The following LRRK2 variants were observed in gnomAD, a reference collection of about 807,000 sequenced individuals.
LRRK2 encodes the protein leucine rich repeat kinase 2, also known as leucine-rich repeat serine/threonine-protein kinase 2.
A neutral mutation model predicts 302.6 loss-of-function variants in LRRK2; 203 were observed. The observed-to-expected ratio is 0.67, with a 90% CI of 0.60 to 0.75. The LOEUF (loss-of-function observed/expected upper bound fraction) is 0.75. Among genes scored for constraint, LRRK2 ranks in the 30% least tolerant of loss-of-function variants. LRRK2 has a pLI of 0.00. For missense variants in LRRK2, 2,830 were observed against 2,951.0 expected (o/e 0.96, Z 0.95); for synonymous variants, 1,066 against 1,031.9 (o/e 1.03, Z -0.63).
At chr12:40,247,488 G>A (rs551489152) in intron 7 of LRRK2, among the ~76,000 whole-genome samples, 26 of 142,728 alleles carry the variant, frequency 1.8e-4, no homozygotes, top group Admixed American at 5.0e-4. Flanking sequence ...GTATATAAAT[G>A]TGTATATATA....
intron 13 of LRRK2, among the ~76,000 whole-genome samples, chr12:40,261,082 A>T (rs1310563367): frequency 6.6e-6 from 1 of 152,172 alleles, no homozygotes; most frequent in Non-Finnish European, 1.5e-5. Context: ...TCAGTATTTT[A>T]AAAATTGAAT....
At position 40,299,257 on chromosome 12, in the gene LRRK2, G is replaced by C. The variant is rs753971870; in HGVS notation, c.3496G>C (p.Ala1166Pro). The change falls in exon 25 of 51, where the codon GCT (alanine) becomes CCT (proline). Residue 1166 changes from alanine to proline, a missense_variant and splice_region_variant. Physicochemically the swap from Ala to Pro is conservative, Grantham distance 27. Around this residue, in one of 3 missense-constraint regions of LRRK2, gnomAD observed 2,121 missense variants for 2,148.0 expected, o/e 0.99. Transcript: ENST00000298910. ...ESFSARMNFL[A>P]AMPFLPPSMT... ...TTTCAGTGCCAGAATGAATTTTCTT[G>C]GTAAGTGTTCTGTGTGGGTCTCCTC... 3 of 1,612,918 alleles carry C rather than the reference G, an allele frequency of 1.9e-6. No homozygotes were observed. The highest frequency in any genetic ancestry group is 2.5e-6 in the Non-Finnish European group (3 of 1,179,470).
chr12:40,359,909 C>G (rs915428591), intron 47 of LRRK2, among the ~76,000 whole-genome samples: 1 of 152,108 alleles, frequency 6.6e-6, no homozygotes, highest in African/African-American at 2.4e-5. Context: ...ATACAGATGT[C>G]TACTCACAGC....
chr12:40,328,566 A>G, intron 39 of LRRK2, 106 bp downstream of exon 39: 3 of 838,592 alleles, frequency 3.6e-6, no homozygotes, highest in Non-Finnish European at 5.6e-6. Flanking sequence ...CCACATTTCT[A>G]CTTAAGTTTA....
At chr12:40,291,338 T>G (rs1013955828) in intron 20 of LRRK2, among the ~76,000 whole-genome samples, 7 of 151,570 alleles carry the variant, frequency 4.6e-5, no homozygotes, top group African/African-American at 1.7e-4. Context: ...AAATGAGGAG[T>G]TAATGGGTGC....
chr12:40,304,155 TA>T (rs746577438), intron 27 of LRRK2, 21 bp downstream of exon 27: 12 of 1,603,788 alleles, frequency 7.5e-6, no homozygotes, highest in African/African-American at 4.0e-5. Flanking sequence ...TATTGCCACT[TA>T]AAAAATATAC....
chr12:40,255,226 T>C (rs1942448021), intron 11 of LRRK2, among the ~76,000 whole-genome samples: 2 of 152,120 alleles, frequency 1.3e-5, no homozygotes, highest in African/African-American at 4.8e-5. Context: ...TTTGAGGCAG[T>C]TAAGAATAAA....
intron 34 of LRRK2, 139 bp from the exon 35 acceptor site, chr12:40,320,895 A>AG: frequency 9.5e-7 from 1 of 1,057,656 alleles, no homozygotes; most frequent in Admixed American, 1.8e-5. Flanking sequence ...TAGGAAAAAT[A>AG]TGTAGTGAAA....
intron 29 of LRRK2, 64 bp downstream of exon 29, chr12:40,308,760 A>C: frequency 2.8e-6 from 4 of 1,451,026 alleles, no homozygotes; most frequent in Non-Finnish European, 3.8e-6. Flanking sequence ...GGATTCAAAA[A>C]CTGAGCTTTC....
rs190339182 is a variant in LRRK2 at position 40,307,858 on chromosome 12, T to C, written c.3960-609T>C. Among the ~76,000 whole-genome samples the C allele has an allele frequency of 4.1e-3, 603 of 146,962 alleles. 3 individuals are homozygous for C. The highest frequency in any genetic ancestry group is 7.0e-3 in the Middle Eastern group (2 of 284). ...GTGCAGTGGCCTGATCTTGGCTCAC[T>C]GCAACCTCTGCCTCTTGGCTTCAGG... On this transcript the variant is annotated intron_variant, in intron 28 of 50. Transcript: ENST00000298910.
intron 20 of LRRK2, 110 bp from the exon 21 acceptor site, chr12:40,293,435 A>C: frequency 1.5e-6 from 1 of 688,716 alleles, no homozygotes; most frequent in South Asian, 1.6e-5. Context: ...TGAAATTTCC[A>C]TTAATAAAAA....
At chr12:40,264,166 T>A (rs1942903578) in intron 14 of LRRK2, among the ~76,000 whole-genome samples, 1 of 152,190 alleles carries the variant, frequency 6.6e-6, no homozygotes, top group Non-Finnish European at 1.5e-5. Flanking sequence ...TCTAGTTTGC[T>A]CAACCAGAAA....
rs57355300 is a variant in LRRK2, at chr12:40,298,798, T to TATATATAA, written c.3347+306_3347+307insTATATAAA. ...AAAGAAATATATATATATATATATA[T>TATATATAA]AATATATGTATTATAATATATAATA... On this transcript the variant is annotated intron_variant, in intron 24 of 50. Transcript: ENST00000298910. Among the ~76,000 whole-genome samples, 13 of 94,252 alleles carry TATATATAA rather than the reference T, an allele frequency of 1.4e-4. 1 individual carries two copies. Among genetic ancestry groups the TATATATAA allele is most frequent in the African/African-American group, 3.8e-4 (9 of 23,826 alleles). 61.8% of individuals were successfully genotyped at this position (94,252 alleles called of 152,430 possible).
At chr12:40,330,633 T>C (rs2136922773) in intron 39 of LRRK2, among the ~76,000 whole-genome samples, 1 of 152,274 alleles carries the variant, frequency 6.6e-6, no homozygotes, top group East Asian at 1.9e-4. Flanking sequence ...ACAACTACTA[T>C]GTACCAGGTT....
chr12:40,316,855 T>C (rs1488491029), intron 33 of LRRK2, among the ~76,000 whole-genome samples: 1 of 152,070 alleles, frequency 6.6e-6, no homozygotes, highest in Non-Finnish European at 1.5e-5. Context: ...GTTTTAAATA[T>C]ATCCAGCAAT....
chr12:40,323,522 G>A (rs1446631609), intron 38 of LRRK2, among the ~76,000 whole-genome samples: 1 of 152,054 alleles, frequency 6.6e-6, no homozygotes, highest in African/African-American at 2.4e-5. Context: ...TCAAGATGAG[G>A]ATGAGATTAT....
Position 40,283,922 on chromosome 12 carries a change from T to C in LRRK2, c.2289T>C (p.Asn763=). The part of the protein sequence containing the change: ...SSPKLVELLL[N]SGSREQDVRK... ...CCAAATTGGTGGAACTCTTACTGAA[T>C]AGTGGATCTCGTGAACAAGATGTAC... The change falls in exon 19 of 51, where the codon AAT becomes AAC. Residue 763 remains asparagine, a synonymous_variant. Transcript: ENST00000298910. 2 of 1,613,700 alleles carry C rather than the reference T, an allele frequency of 1.2e-6. No individual in the cohort carries two copies. Among genetic ancestry groups the C allele is most frequent in the Non-Finnish European group, 1.7e-6 (2 of 1,179,710 alleles).
chr12:40,306,930 T>C (rs1033990892), intron 28 of LRRK2, among the ~76,000 whole-genome samples: 11 of 152,088 alleles, frequency 7.2e-5, no homozygotes, highest in Non-Finnish European at 1.3e-4. Flanking sequence ...ACCCAATTAT[T>C]TTTCTCTCTT....
chr12:40,316,973 T>C (rs570748902), intron 33 of LRRK2, among the ~76,000 whole-genome samples: 55 of 152,184 alleles, frequency 3.6e-4, no homozygotes, highest in African/African-American at 1.3e-3. Flanking sequence ...CATGTCACTA[T>C]GGAACACTTG....
Sources: allele counts gnomAD v4.1 joint callset (sites outside exome capture counted in the v4.1 genomes callset), GRCh38; gene constraint gnomAD v4.1.1; regional missense constraint gnomAD v4.1.1; transcripts MANE v1.5; gene names NCBI Gene and HGNC (gene_info 2026-07-23, HGNC 2026-07-21).